NXPE2: variants seen among roughly 807,000 people sequenced by gnomAD.
NXPE2 encodes neurexophilin and PC-esterase domain family member 2.
A neutral mutation model predicts 34.4 loss-of-function variants in NXPE2; 34 were observed. That is an observed-to-expected ratio of 0.99 (90% CI 0.75 to 1.31). NXPE2 has a LOEUF of 1.31. Among genes scored for constraint, NXPE2 ranks in the 40% most tolerant of loss-of-function variants. The probability of loss-of-function intolerance (pLI) is 0.00; values close to 1 mark genes in which losing one functional copy is unlikely to be tolerated. For synonymous variants in NXPE2, 235 were observed against 231.3 expected (o/e 1.02, Z -0.15); for missense variants, 649 against 672.5 (o/e 0.97, Z 0.39).
chr11:114,733,879 T>C, the NXPE2 span, among the ~76,000 whole-genome samples: 1 of 152,246 alleles, frequency 6.6e-6, no homozygotes, highest in Non-Finnish European at 1.5e-5. Flanking sequence ...TAGTTTCTTC[T>C]GTTAACCCAG....
the NXPE2 span, among the ~76,000 whole-genome samples, chr11:114,638,961 A>C: frequency 6.6e-6 from 1 of 152,050 alleles, no homozygotes; most frequent in East Asian, 1.9e-4. Context: ...TCAGATCTCC[A>C]GCTGTGAGCT....
At chr11:114,639,651 A>G in the NXPE2 span, among the ~76,000 whole-genome samples, 1 of 143,980 alleles carries the variant, frequency 6.9e-6, no homozygotes, top group Non-Finnish European at 1.5e-5. Context: ...ATTTATTTAT[A>G]TATAATTTAC....
the NXPE2 span, among the ~76,000 whole-genome samples, chr11:114,789,457 C>T: frequency 2.6e-5 from 4 of 152,148 alleles, no homozygotes; most frequent in African/African-American, 9.7e-5. Flanking sequence ...ATAGACACTA[C>T]CCTTACAGAG....
the NXPE2 span, among the ~76,000 whole-genome samples, chr11:114,563,757 G>A: frequency 9.1e-4 from 138 of 152,124 alleles, no homozygotes; most frequent in African/African-American, 3.1e-3. Flanking sequence ...AATACAAATC[G>A]AAACCACAGT....
chr11:114,523,050 G>T, the NXPE2 span: 1 of 1,613,530 alleles, frequency 6.2e-7, no homozygotes, highest in African/African-American at 1.3e-5. Flanking sequence ...GGGACAGGAG[G>T]CTTCATTCCA....
At chr11:114,630,589 T>A in the NXPE2 span, among the ~76,000 whole-genome samples, 12 of 151,356 alleles carry the variant, frequency 7.9e-5, no homozygotes, top group South Asian at 6.3e-4. Context: ...AACCTAGGCA[T>A]TACCATTCAG....
At chr11:114,648,717 A>G in the NXPE2 span, among the ~76,000 whole-genome samples, 12 of 152,194 alleles carry the variant, frequency 7.9e-5, no homozygotes, top group African/African-American at 2.4e-4. Flanking sequence ...CACCTAATAT[A>G]TGATACAACT....
At chr11:114,780,173 A>G in the NXPE2 span, among the ~76,000 whole-genome samples, 1 of 152,212 alleles carries the variant, frequency 6.6e-6, no homozygotes, top group Non-Finnish European at 1.5e-5. Flanking sequence ...CTTCAAAGCC[A>G]CTGACAAAAA....
At chr11:114,580,096 A>G in the NXPE2 span, 2 of 1,522,974 alleles carry the variant, frequency 1.3e-6, no homozygotes, top group Non-Finnish European at 1.8e-6. Flanking sequence ...GAAGTTTCTG[A>G]AAGGGGTAAG....
chr11:114,557,961 T>G, the NXPE2 span, among the ~76,000 whole-genome samples: 6 of 152,014 alleles, frequency 3.9e-5, no homozygotes. Context: ...ATATGTTACC[T>G]CATTTTCCTT....
At chr11:114,679,887 G>A (rs1394220425) in intron 2 of NXPE2, 125 bp downstream of exon 2, 2 of 600,290 alleles carry the variant, frequency 3.3e-6, no homozygotes, top group Non-Finnish European at 5.9e-6. Flanking sequence ...TGTGGATCAG[G>A]GGTTCACTGT....
chr11:114,666,058 A>G, the NXPE2 span, among the ~76,000 whole-genome samples: 1 of 152,082 alleles, frequency 6.6e-6, no homozygotes, highest in Non-Finnish European at 1.5e-5. Context: ...TCCTTCCAGT[A>G]TTCAGGTTCA....
At chr11:114,470,939 G>A in the NXPE2 span, among the ~76,000 whole-genome samples, 3 of 152,126 alleles carry the variant, frequency 2.0e-5, no homozygotes, top group African/African-American at 2.4e-5. Context: ...ACCAAAAACC[G>A]AGTACAATGG....
the NXPE2 span, among the ~76,000 whole-genome samples, chr11:114,539,084 C>T: frequency 6.6e-6 from 1 of 152,138 alleles, no homozygotes; most frequent in Non-Finnish European, 1.5e-5. Context: ...CACATATACA[C>T]ATGGAATACT....
At chr11:114,750,448 A>C in the NXPE2 span, among the ~76,000 whole-genome samples, 1 of 152,182 alleles carries the variant, frequency 6.6e-6, no homozygotes, top group Non-Finnish European at 1.5e-5. Flanking sequence ...ATTGGCATCT[A>C]TCCTGAAATT....
the NXPE2 span, chr11:114,521,779 C>A: frequency 1.8e-6 from 1 of 543,526 alleles, no homozygotes; most frequent in South Asian, 3.1e-5. Flanking sequence ...TATAGTCATT[C>A]TTCATGAATG....
chr11:114,794,737 G>A, the NXPE2 span, among the ~76,000 whole-genome samples: 3 of 152,072 alleles, frequency 2.0e-5, no homozygotes, highest in South Asian at 4.1e-4. Flanking sequence ...CCCACTCATG[G>A]GGAATCTTTA....
chr11:114,728,906 A>G, the NXPE2 span, among the ~76,000 whole-genome samples: 1 of 152,020 alleles, frequency 6.6e-6, no homozygotes, highest in Admixed American at 6.6e-5. Flanking sequence ...TTATTTTTTA[A>G]TTTTTATAAT....
chr11:114,532,497 T>G, the NXPE2 span, among the ~76,000 whole-genome samples: 6 of 152,118 alleles, frequency 3.9e-5, no homozygotes, highest in African/African-American at 1.4e-4. Context: ...ATGATAAACC[T>G]TTTTCTATTT....
Sources: allele counts gnomAD v4.1 joint callset (sites outside exome capture counted in the v4.1 genomes callset), GRCh38; gene constraint gnomAD v4.1.1; transcripts MANE v1.5; gene names NCBI Gene and HGNC (gene_info 2026-07-23, HGNC 2026-07-21).